The following PDZRN4 variants were observed in gnomAD, a reference collection of about 807,000 sequenced individuals.
PDZRN4 encodes the protein PDZ domain containing ring finger 4.
A neutral mutation model predicts 99.0 loss-of-function variants in PDZRN4; 70 were observed. That is an observed-to-expected ratio of 0.71 (90% CI 0.58 to 0.86). The LOEUF is 0.86. Ranked by LOEUF, PDZRN4 falls within the 40% of genes least tolerant of loss-of-function variation. The pLI is 0.00. For synonymous variants in PDZRN4, 551 were observed against 501.6 expected (o/e 1.10, Z -1.32); for missense variants, 1,474 against 1,331.2 (o/e 1.11, Z -1.67).
At chr12:41,226,003 A>AATTT (rs1950991775) in intron 3 of PDZRN4, among the ~76,000 whole-genome samples, 1 of 151,890 alleles carries the variant, frequency 6.6e-6, no homozygotes, top group Non-Finnish European at 1.5e-5. Flanking sequence ...TCCGGTCAAC[A>AATTT]ATTTACCCAT....
At chr12:41,363,883 G>A (rs1019311351) in intron 3 of PDZRN4, among the ~76,000 whole-genome samples, 5 of 152,038 alleles carry the variant, frequency 3.3e-5, no homozygotes, top group Non-Finnish European at 5.9e-5. Flanking sequence ...GTGGTTAAAC[G>A]TGTATAATTC....
At chr12:41,384,670 A>T (rs1020036876) in intron 3 of PDZRN4, among the ~76,000 whole-genome samples, 2 of 152,112 alleles carry the variant, frequency 1.3e-5, no homozygotes, top group Admixed American at 6.6e-5. Context: ...CCCTTTTCTT[A>T]GCTCTCAAAA....
chr12:41,245,243 A>G (rs1357504864), intron 3 of PDZRN4, among the ~76,000 whole-genome samples: 3 of 152,172 alleles, frequency 2.0e-5, no homozygotes, highest in Non-Finnish European at 4.4e-5. Flanking sequence ...TGTTTTGTTC[A>G]TGACATCTCT....
rs1359849656 is a variant in PDZRN4, at chr12:41,189,112, A to G, written c.648+9A>G. ...GTGGCGGCCACCGCAGGGTAAGCAA[A>G]GGGGGGTGGGCACCGCGGGCATGGT... On this transcript the variant is annotated intron_variant, in intron 1 of 9. Coordinates refer to ENST00000402685, the MANE Select transcript of PDZRN4 (RefSeq NM_001164595.2). 2.0e-5 allele frequency: 32 copies of G among 1,574,576 alleles called. No individual in the cohort carries two copies. Among genetic ancestry groups the G allele is most frequent in the Non-Finnish European group, 2.7e-5 (32 of 1,168,174 alleles).
chr12:41,423,814 G>C (rs181422532), intron 3 of PDZRN4, among the ~76,000 whole-genome samples: 1 of 152,148 alleles, frequency 6.6e-6, no homozygotes, highest in Non-Finnish European at 1.5e-5. Flanking sequence ...GGGAGCTGGG[G>C]TAAGAAAAGA....
intron 3 of PDZRN4, among the ~76,000 whole-genome samples, chr12:41,494,224 C>A (rs1002091885): frequency 6.6e-6 from 1 of 151,970 alleles, no homozygotes; most frequent in Non-Finnish European, 1.5e-5. Flanking sequence ...TCAATCATCT[C>A]GTTCAAGTTT....
intron 3 of PDZRN4, among the ~76,000 whole-genome samples, chr12:41,351,667 C>T (rs1047415919): frequency 6.6e-6 from 1 of 151,926 alleles, no homozygotes; most frequent in African/African-American, 2.4e-5. Flanking sequence ...GGGAAGTTCA[C>T]CCTCATGATT....
At chr12:41,261,471 A>G (rs1951239304) in intron 3 of PDZRN4, among the ~76,000 whole-genome samples, 2 of 151,558 alleles carry the variant, frequency 1.3e-5, no homozygotes, top group African/African-American at 4.9e-5. Context: ...AAGGCAAAGT[A>G]GTTCTATTTC....
chr12:41,271,117 TA>T (rs1951311814), intron 3 of PDZRN4, among the ~76,000 whole-genome samples: 1 of 152,136 alleles, frequency 6.6e-6, no homozygotes, highest in South Asian at 2.1e-4. Flanking sequence ...TGTATATAAA[TA>T]TTCTTATCTC....
chr12:41,305,769 C>T (rs1276754297), intron 3 of PDZRN4, among the ~76,000 whole-genome samples: 1 of 152,154 alleles, frequency 6.6e-6, no homozygotes, highest in Admixed American at 6.5e-5. Flanking sequence ...CCTGGCCCCA[C>T]AAAATTTGTG....
intron 3 of PDZRN4, among the ~76,000 whole-genome samples, chr12:41,499,906 A>G (rs368753313): frequency 1.3e-5 from 2 of 152,040 alleles, no homozygotes; most frequent in African/African-American, 4.8e-5. Context: ...GGAGTCCTCA[A>G]TTCAATACTG....
chr12:41,299,635 T>C (rs911935520), intron 3 of PDZRN4, among the ~76,000 whole-genome samples: 1 of 152,042 alleles, frequency 6.6e-6, no homozygotes, highest in Admixed American at 6.6e-5. Flanking sequence ...TTCAGAGTAG[T>C]TGTTCAGGTA....
intron 3 of PDZRN4, among the ~76,000 whole-genome samples, chr12:41,480,097 G>A (rs912113767): frequency 6.6e-6 from 1 of 152,096 alleles, no homozygotes; most frequent in Admixed American, 6.6e-5. Flanking sequence ...ATAATTAAAA[G>A]TTCATGGGCA....
chr12:41,440,658 C>A (rs1363708456), intron 3 of PDZRN4, among the ~76,000 whole-genome samples: 5 of 152,092 alleles, frequency 3.3e-5, no homozygotes, highest in Non-Finnish European at 5.9e-5. Context: ...TGGAGTTGGG[C>A]CAATCAGGCT....
chr12:41,542,776 T>G (rs1938880638), intron 5 of PDZRN4, among the ~76,000 whole-genome samples: 1 of 152,198 alleles, frequency 6.6e-6, no homozygotes. Context: ...ATGTCTAAAA[T>G]TCCCTCCCAA....
intron 3 of PDZRN4, 69 bp from the exon 4 acceptor site, chr12:41,506,387 T>G (rs1938205195): frequency 7.0e-7 from 1 of 1,429,394 alleles, no homozygotes; most frequent in Non-Finnish European, 9.5e-7. Flanking sequence ...TCTCTGTCTT[T>G]TATTAATCTA....
At chr12:41,492,068 C>A (rs2120631721) in intron 3 of PDZRN4, among the ~76,000 whole-genome samples, 1 of 152,228 alleles carries the variant, frequency 6.6e-6, no homozygotes, top group East Asian at 1.9e-4. Flanking sequence ...GCATCAGATG[C>A]ATACAAAATG....
intron 3 of PDZRN4, among the ~76,000 whole-genome samples, chr12:41,452,324 A>G (rs1401789627): frequency 6.6e-6 from 1 of 151,760 alleles, no homozygotes; most frequent in Non-Finnish European, 1.5e-5. Context: ...CTTTGGTCCC[A>G]GCTACACGGG....
chr12:41,308,282 G>T (rs1011250763), intron 3 of PDZRN4, among the ~76,000 whole-genome samples: 1 of 152,070 alleles, frequency 6.6e-6, no homozygotes, highest in Non-Finnish European at 1.5e-5. Context: ...CTGTCACTAG[G>T]TACAAGACCC....
Sources: gnomAD v4.1 joint callset for allele counts (sites outside exome capture counted in the v4.1 genomes callset) on GRCh38, gnomAD v4.1.1 for gene constraint, MANE v1.5 for transcripts, NCBI Gene and HGNC (gene_info 2026-07-23, HGNC 2026-07-21) for gene names.